Variants in ETS2 observed in about 807,000 individuals in gnomAD.
The protein encoded by ETS2 is protein C-ets-2.
A neutral mutation model predicts 54.9 loss-of-function variants in ETS2; 19 were observed. The observed-to-expected ratio is 0.35, with a 90% CI of 0.24 to 0.51. ETS2 has a LOEUF of 0.51. Ranked by LOEUF, ETS2 falls within the 20% of genes least tolerant of loss-of-function variation. ETS2 has a pLI of 0.97. For missense variants in ETS2, 417 were observed against 593.0 expected, an observed-to-expected ratio of 0.70 and a Z score of 3.08; for synonymous variants, 219 against 229.3, an observed-to-expected ratio of 0.95 and a Z score of 0.41.
intron 3 of ETS2, among the ~76,000 whole-genome samples, chr21:38,813,361 C>A (rs1336680742): frequency 1.3e-5 from 2 of 152,174 alleles, no homozygotes; most frequent in Non-Finnish European, 2.9e-5. Flanking sequence ...GCAGGGGAAC[C>A]CCTGAGCTGC....
upstream of ETS2, chr21:38,805,909 C>A: frequency 8.1e-7 from 1 of 1,236,886 alleles, no homozygotes; most frequent in South Asian, 1.3e-5. This position sits in a 1 kb window ranked among gnomAD's most constrained non-coding sequence, Gnocchi z 5.2. Flanking sequence ...CTGAAGAGCG[C>A]GCCGCGTGGG....
At chr21:38,805,814 T>C, upstream of ETS2, 1 of 722,492 alleles carries the variant, frequency 1.4e-6, no homozygotes, top group Non-Finnish European at 1.9e-6. The surrounding 1 kb of genome is among the most constrained non-coding windows in gnomAD (Gnocchi z 5.2). Flanking sequence ...CCCTCCCCTC[T>C]CTCTTCTCTC....
chr21:38,808,018 T>C (rs886268911), intron 1 of ETS2, among the ~76,000 whole-genome samples: 4 of 152,220 alleles, frequency 2.6e-5, no homozygotes, highest in African/African-American at 7.2e-5. Flanking sequence ...GAGAAGGGCC[T>C]GATCTGATAA....
At position 38,819,359 on chromosome 21, in the gene ETS2, A is replaced by G; in HGVS notation, c.812-144A>G. 7.4e-6 allele frequency: 5 copies of G among 677,222 alleles called. 1 individual carries two copies. Among genetic ancestry groups the G allele is most frequent in the Middle Eastern group, 6.3e-4 (2 of 3,166 alleles). 42.0% of individuals were successfully genotyped at this position (677,222 alleles called of 1,614,324 possible). A position where few individuals can be genotyped will look rare whatever the true frequency, so the allele number is the denominator to read the frequency against. On this transcript the variant is annotated intron_variant, in intron 7 of 9. Coordinates refer to ENST00000360938, the MANE Select transcript of ETS2 (RefSeq NM_005239.6). ...AGTTACCCTAAGGAATAAGCACCTGAGTAGAGAGCATTTTGAGAAGTCTGA... is the reference window on the plus strand; with the variant it reads ...AGTTACCCTAAGGAATAAGCACCTGGGTAGAGAGCATTTTGAGAAGTCTGA...
intron 7 of ETS2, 72 bp downstream of exon 7, chr21:38,818,718 TTAA>T (rs1187728504): frequency 6.5e-7 from 1 of 1,528,028 alleles, no homozygotes; most frequent in Non-Finnish European, 9.0e-7. Flanking sequence ...AATGAACCTC[TTAA>T]TAAATACTTC....
chr21:38,818,404 C>T lies in ETS2; in HGVS notation c.590-21C>T, dbSNP rs549885445. Reference sequence around the variant, plus strand: ...GTAACACTGACTTTAAGAGCTCTGCCGTCCGATTGTTCTGTTCCAGGTTTT... The same window carrying T: ...GTAACACTGACTTTAAGAGCTCTGCTGTCCGATTGTTCTGTTCCAGGTTTT... On this transcript the variant is annotated intron_variant, in intron 6 of 9. Coordinates refer to ENST00000360938, the MANE Select transcript of ETS2 (RefSeq NM_005239.6). 4.3e-5 allele frequency: 70 copies of T among 1,613,488 alleles called. No homozygotes were observed. The South Asian group carries it at 4.7e-4, about 11-fold the overall frequency.
At position 38,805,963 on chromosome 21, in the gene ETS2, C is replaced by A. The variant is rs1236893703; in HGVS notation, c.-158C>A. The A allele has an allele frequency of 4.7e-6, 6 of 1,268,608 alleles. No homozygotes were observed. Among genetic ancestry groups the A allele is most frequent in the African/African-American group, 3.2e-5 (2 of 62,966 alleles). 78.6% of individuals were successfully genotyped at this position (1,268,608 alleles called of 1,614,324 possible). A position where few individuals can be genotyped will look rare whatever the true frequency, so the allele number is the denominator to read the frequency against. On this transcript the variant is annotated 5_prime_UTR_variant, in exon 1 of 10. Transcript: ENST00000360938. The surrounding 1 kb of genome is among the most constrained non-coding windows in gnomAD (Gnocchi z 5.2). ...CTCCAGAGACTGACGAGTGCGGTGTCGCTCCAGCTCAGAGCTCCCGGAGCC... is the reference window on the plus strand; with the variant it reads ...CTCCAGAGACTGACGAGTGCGGTGTAGCTCCAGCTCAGAGCTCCCGGAGCC...
intron 7 of ETS2, among the ~76,000 whole-genome samples, chr21:38,819,211 G>A (rs2123422308): frequency 6.6e-6 from 1 of 152,310 alleles, no homozygotes; most frequent in Non-Finnish European, 1.5e-5. Context: ...TACTCATCAT[G>A]TCTGGGATTC....
rs149232522 is a variant in ETS2 at position 38,823,068 on chromosome 21, GGCA to G, written c.*183_*185del. 571 of 462,712 alleles carry G rather than the reference GGCA, an allele frequency of 1.2e-3. 4 individuals carry two copies. The highest frequency in any genetic ancestry group is 9.9e-3 in the African/African-American group (497 of 49,960). 28.7% of individuals were successfully genotyped at this position (462,712 alleles called of 1,614,324 possible). ...CTCTTGACCAGGCTGCCTCCCTTGT[GGCA>G]GCAACGGCACAGCTAATTCTACTCA... is the stretch of plus-strand genomic sequence containing the variant. On this transcript the variant is annotated 3_prime_UTR_variant, in exon 10 of 10. Coordinates refer to ENST00000360938, the MANE Select transcript of ETS2 (RefSeq NM_005239.6).
intron 5 of ETS2, among the ~76,000 whole-genome samples, chr21:38,815,658 C>T (rs1054143147): frequency 4.0e-5 from 6 of 151,454 alleles, no homozygotes; most frequent in East Asian, 2.0e-4. Flanking sequence ...GGGCCAGGTG[C>T]GGTGGCTCAC....
chr21:38,814,155 C>A lies in ETS2; in HGVS notation c.185-118C>A, dbSNP rs2060923738. ...TAATAGTTACACTGTTTTAAGGAATCATGCCAAGGTTTGAGATCAAAATTG... is the reference window on the plus strand; with the variant it reads ...TAATAGTTACACTGTTTTAAGGAATAATGCCAAGGTTTGAGATCAAAATTG... On this transcript the variant is annotated intron_variant, in intron 3 of 9. Coordinates refer to ENST00000360938, the MANE Select transcript of ETS2 (RefSeq NM_005239.6). The surrounding 1 kb of genome is among the most constrained non-coding windows in gnomAD (Gnocchi z 4.2). 7 of 1,024,156 alleles carry A rather than the reference C, an allele frequency of 6.8e-6. No homozygotes were observed. The highest frequency in any genetic ancestry group is 1.6e-5 in the African/African-American group (1 of 61,996). The allele number at this position is 1,024,156 out of a possible 1,614,324, so 63.4% of individuals were successfully genotyped here.
intron 8 of ETS2, among the ~76,000 whole-genome samples, chr21:38,820,422 A>G (rs1397022467): frequency 6.6e-6 from 1 of 152,220 alleles, no homozygotes; most frequent in East Asian, 1.9e-4. Flanking sequence ...TGAGGCATTC[A>G]TTCTTTTTCT....
chr21:38,814,671 G>C lies in ETS2; in HGVS notation c.305-110G>C. On this transcript the variant is annotated intron_variant, in intron 4 of 9. Coordinates refer to ENST00000360938, the MANE Select transcript of ETS2 (RefSeq NM_005239.6). This position sits in a 1 kb window ranked among gnomAD's most constrained non-coding sequence, Gnocchi z 4.2. ...TCATCATGGTATCTTGCTCATTCGT[G>C]GGTTCTGGTGTATGTCGGTACTTGG... 1 of 994,796 alleles carries C rather than the reference G, an allele frequency of 1.0e-6. No individual in the cohort carries two copies. Among genetic ancestry groups the C allele is most frequent in the Non-Finnish European group, 1.5e-6 (1 of 654,582 alleles). 61.6% of individuals were successfully genotyped at this position (994,796 alleles called of 1,614,324 possible).
Position 38,817,029 on chromosome 21 carries a change from A to G in ETS2, c.527A>G (p.Asp176Gly), listed in dbSNP as rs1433767109. Residue 176 changes from aspartate to glycine, a missense_variant, in exon 6 of 10, where the codon GAT (aspartate) becomes GGT (glycine). Asp to Gly is a moderately conservative substitution (Grantham distance 94). This residue lies in a region of ETS2 where 326 missense variants were observed against 426.1 expected (regional missense o/e 0.76). Transcript: ENST00000360938. ...TCAGAAAACCAAGAAAAGACAGAAG[A>G]TCAATATGAAGAAAATTCACACCTC... ...MIKENQEKTE[D>G]QYEENSHLTS... is the part of the protein sequence containing the mutation. 6.2e-7 allele frequency: 1 copy of G among 1,612,184 alleles called. No individual in the cohort carries two copies. Among genetic ancestry groups the G allele is most frequent in the Non-Finnish European group, 8.5e-7 (1 of 1,178,260 alleles).
At position 38,814,854 on chromosome 21, in the gene ETS2, C is replaced by T. The variant is rs773376571; in HGVS notation, c.378C>T (p.Asn126=). 48 of 1,614,136 alleles carry T rather than the reference C, an allele frequency of 3.0e-5. No homozygotes were observed. The highest frequency in any genetic ancestry group is 1.6e-4 in the Middle Eastern group (1 of 6,062). ...LWATNEFSLV[N]VNLQRFGMNG... ...CCACCAATGAGTTCAGTCTGGTGAA[C>T]GTGAATCTGCAGAGGTTCGGCATGA... Residue 126 remains asparagine (N), a synonymous_variant, in exon 5 of 10, where the codon AAC becomes AAT. Transcript: ENST00000360938. The surrounding 1 kb of genome is among the most constrained non-coding windows in gnomAD (Gnocchi z 4.2).
In ETS2 at chr21:38,823,827, A is replaced by G. The variant is rs868028194; in HGVS notation, c.*938A>G. 41 of 152,748 alleles carry G rather than the reference A, an allele frequency of 2.7e-4. No homozygotes were observed. The highest frequency in any genetic ancestry group is 9.9e-4 in the African/African-American group (41 of 41,574). 9.5% of individuals were successfully genotyped at this position (152,748 alleles called of 1,614,324 possible). On this transcript the variant is annotated 3_prime_UTR_variant, in exon 10 of 10. Coordinates refer to ENST00000360938, the MANE Select transcript of ETS2 (RefSeq NM_005239.6). ...TGGCATATGTTTTCCACTTCTTTGCATGCGTTTAAGTCAGTTTATACACAA... is the reference window on the plus strand; with the variant it reads ...TGGCATATGTTTTCCACTTCTTTGCGTGCGTTTAAGTCAGTTTATACACAA...
At chr21:38,817,452 A>G (rs773262798) in intron 6 of ETS2, among the ~76,000 whole-genome samples, 3 of 152,274 alleles carry the variant, frequency 2.0e-5, no homozygotes, top group Non-Finnish European at 4.4e-5. Flanking sequence ...TATGGCCACT[A>G]GAACTTTCGC....
rs370102238 is a variant in ETS2, at chr21:38,814,668, C to A, written c.305-113C>A. 4.1e-6 allele frequency: 4 copies of A among 978,244 alleles called. No individual in the cohort carries two copies. Among genetic ancestry groups the A allele is most frequent in the South Asian group, 1.5e-5 (1 of 65,502 alleles). The allele number at this position is 978,244 out of a possible 1,614,324, so 60.6% of individuals were successfully genotyped here. On this transcript the variant is annotated intron_variant, in intron 4 of 9. Coordinates refer to ENST00000360938, the MANE Select transcript of ETS2 (RefSeq NM_005239.6). The surrounding 1 kb of genome is among the most constrained non-coding windows in gnomAD (Gnocchi z 4.2). Reference sequence around the variant, plus strand: ...GTGTCATCATGGTATCTTGCTCATTCGTGGGTTCTGGTGTATGTCGGTACT... The same window carrying A: ...GTGTCATCATGGTATCTTGCTCATTAGTGGGTTCTGGTGTATGTCGGTACT...
chr21:38,815,985 A>G (rs1218852549), intron 5 of ETS2, among the ~76,000 whole-genome samples: 13 of 126 alleles, frequency 0.1, no homozygotes, highest in African/African-American at 0.25. Context: ...GAAGGAAGGA[A>G]GGAAGGAAGG....
Sources: gnomAD v4.1 joint callset for allele counts (sites outside exome capture counted in the v4.1 genomes callset) on GRCh38, gnomAD v4.1.1 for gene constraint, gnomAD v4.1.1 regional missense constraint, Gnocchi (gnomAD v3.1) non-coding constraint, MANE v1.5 for transcripts, NCBI Gene and HGNC (gene_info 2026-07-23, HGNC 2026-07-21) for gene names.